The following TTLL5 variants were observed in gnomAD, a reference collection of about 807,000 sequenced individuals.
TTLL5 encodes the protein tubulin polyglutamylase TTLL5.
In TTLL5, 132 loss-of-function variants were observed where a neutral mutation model predicts 168.4. That is an observed-to-expected ratio of 0.78 (90% CI 0.68 to 0.91). The LOEUF (loss-of-function observed/expected upper bound fraction) is 0.91. Among genes scored for constraint, TTLL5 ranks in the 40% least tolerant of loss-of-function variants. The probability of loss-of-function intolerance (pLI) is 0.00; values close to 1 mark genes in which losing one functional copy is unlikely to be tolerated. For missense variants in TTLL5, 1,545 were observed against 1,581.5 expected (o/e 0.98, Z 0.39); for synonymous variants, 546 against 558.6 (o/e 0.98, Z 0.32).
intron 31 of TTLL5, chr14:75,904,191 CCTCA>C: frequency 8.3e-7 from 1 of 1,204,052 alleles, no homozygotes. Context: ...TATCTATTCA[CCTCA>C]CTCCTCCAAA....
rs1888128454 is a variant in TTLL5, at chr14:75,725,384, A to G, written c.1042+4681A>G. 2.0e-5 allele frequency among the ~76,000 whole-genome samples: 3 copies of G among 152,228 alleles called. No homozygotes were observed. The South Asian group carries it at 6.2e-4, about 32-fold the overall frequency. Reference sequence around the variant, plus strand: ...ATGCTCCTGTTTAGATGGGAAAGGAAGTTTACTACAGAAGAAACTTATGTA... The same window carrying G: ...ATGCTCCTGTTTAGATGGGAAAGGAGGTTTACTACAGAAGAAACTTATGTA... On this transcript the variant is annotated intron_variant, in intron 12 of 31. Transcript: ENST00000298832.
intron 28 of TTLL5, among the ~76,000 whole-genome samples, chr14:75,840,726 C>T (rs1896180917): frequency 1.3e-5 from 2 of 152,178 alleles, no homozygotes; most frequent in Non-Finnish European, 2.9e-5. Flanking sequence ...CTTTTCTCTT[C>T]CCACTGCTAC....
intron 31 of TTLL5, among the ~76,000 whole-genome samples, chr14:75,906,966 A>G (rs2033172651): frequency 6.6e-6 from 1 of 152,258 alleles, no homozygotes; most frequent in South Asian, 2.1e-4. Context: ...AGACAATTCA[A>G]ATAAAGAAAC....
rs1435087964 is a variant in TTLL5 at position 75,886,710 on chromosome 14, A to C, written c.3740+3808A>C. The C allele has an allele frequency of 1.9e-6, 3 of 1,597,950 alleles. No individual in the cohort carries two copies. The African/African-American group carries it at 4.0e-5, about 21-fold the overall frequency. ...CACTTCATAATTTAGTACCCGCTTC[A>C]GATCCTCCTTTCAAAACTATTTGTG... On this transcript the variant is annotated intron_variant, in intron 30 of 31. Coordinates refer to ENST00000298832, the MANE Select transcript of TTLL5 (RefSeq NM_015072.5).
At chr14:75,823,630 G>T (rs73315477) in intron 28 of TTLL5, among the ~76,000 whole-genome samples, 2,259 of 152,210 alleles carry the variant, frequency 0.015, 54 homozygotes, top group African/African-American at 0.052. Flanking sequence ...ATCCACCTCT[G>T]GCTTTTTCAC....
chr14:75,914,553 A>G (rs1595259265), intron 31 of TTLL5, among the ~76,000 whole-genome samples: 1 of 151,596 alleles, frequency 6.6e-6, no homozygotes, highest in South Asian at 2.1e-4. Context: ...TGGTATTTCT[A>G]TCCCATTTCT....
At position 75,683,662 on chromosome 14, in the gene TTLL5, G is replaced by A; in HGVS notation, c.371+6G>A. The A allele has an allele frequency of 6.2e-7, 1 of 1,605,794 alleles. No homozygotes were observed. Among genetic ancestry groups the A allele is most frequent in the Non-Finnish European group, 8.5e-7 (1 of 1,172,570 alleles). On this transcript the variant is annotated splice_donor_region_variant and intron_variant, in intron 5 of 31. Coordinates refer to ENST00000298832, the MANE Select transcript of TTLL5 (RefSeq NM_015072.5). ...AAAGTTAATCACTTTCCCAGGTAATGCTCTTTGTAGCTGCTTTGCTTCATT... is the reference window on the plus strand; with the variant it reads ...AAAGTTAATCACTTTCCCAGGTAATACTCTTTGTAGCTGCTTTGCTTCATT...
intron 31 of TTLL5, among the ~76,000 whole-genome samples, chr14:75,907,375 C>T (rs2033186824): frequency 6.6e-6 from 1 of 152,160 alleles, no homozygotes; most frequent in African/African-American, 2.4e-5. Context: ...CAAAATTTTC[C>T]AGAAAATTCT....
chr14:75,852,653 T>G (rs965904744), intron 28 of TTLL5, among the ~76,000 whole-genome samples: 6 of 152,188 alleles, frequency 3.9e-5, no homozygotes, highest in Non-Finnish European at 8.8e-5. Context: ...AGGTGTAAAC[T>G]CAAAGGTTAA....
At position 75,765,240 on chromosome 14, in the gene TTLL5, C is replaced by G. The variant is rs1332844451; in HGVS notation, c.1708+468C>G. Among the ~76,000 whole-genome samples the G allele has an allele frequency of 2.0e-5, 3 of 152,042 alleles. No individual in the cohort carries two copies. In the East Asian group the frequency reaches 5.8e-4, roughly 29 times the overall value. On this transcript the variant is annotated intron_variant, in intron 19 of 31. Coordinates refer to ENST00000298832, the MANE Select transcript of TTLL5 (RefSeq NM_015072.5). Reference sequence around the variant, plus strand: ...ATATACTGATTTCCTTTTTTTCTCTCCTTCCCTCCTGTGAACGTCTGTGTC... The same window carrying G: ...ATATACTGATTTCCTTTTTTTCTCTGCTTCCCTCCTGTGAACGTCTGTGTC...
intron 27 of TTLL5, among the ~76,000 whole-genome samples, chr14:75,802,039 G>A (rs567957729): frequency 3.4e-4 from 51 of 151,958 alleles, no homozygotes; most frequent in African/African-American, 1.1e-3. Flanking sequence ...TCATATTCTC[G>A]ATTCTTATTT....
chr14:75,681,548 G>T lies in TTLL5; in HGVS notation c.185G>T (p.Arg62Leu). 1.2e-6 allele frequency: 2 copies of T among 1,612,450 alleles called. No individual in the cohort carries two copies. The highest frequency in any genetic ancestry group is 1.3e-5 in the African/African-American group (1 of 75,018). Residue 62 changes from arginine to leucine, a missense_variant, in exon 4 of 32, where the codon CGT becomes CTT. By Grantham distance (102) the Arg-to-Leu change is moderately radical. Coordinates refer to ENST00000298832, the MANE Select transcript of TTLL5 (RefSeq NM_015072.5). Reference sequence around the variant, plus strand: ...ACTTGATTCTGTTTTTCTTTAGAACGTTATCATTTGTCTTATAAGATTGTA... The same window carrying T: ...ACTTGATTCTGTTTTTCTTTAGAACTTTATCATTTGTCTTATAAGATTGTA... ...KDNNIRVIGERYHLSYKIVRT... is the reference protein window; with the variant it reads ...KDNNIRVIGELYHLSYKIVRT...
At chr14:75,791,731 T>C (rs933136747) in intron 26 of TTLL5, among the ~76,000 whole-genome samples, 5 of 152,140 alleles carry the variant, frequency 3.3e-5, no homozygotes, top group Non-Finnish European at 1.5e-5. Context: ...CTAAATAATA[T>C]AGTAAACGTG....
rs141526948 is a variant in TTLL5, at chr14:75,863,975, G to A, written c.3522+113G>A. On this transcript the variant is annotated intron_variant, in intron 29 of 31. Coordinates refer to ENST00000298832, the MANE Select transcript of TTLL5 (RefSeq NM_015072.5). ...AATGTAGGATTAGTTTTCCAACCCC[G>A]TGCCATCCTGGCTTGGACAGCTCAT... is the stretch of plus-strand genomic sequence containing the variant. The A allele has an allele frequency of 7.5e-5, 86 of 1,143,660 alleles. No individual in the cohort carries two copies. The East Asian group carries it at 7.9e-4, about 10-fold the overall frequency. The allele number at this position is 1,143,660 out of a possible 1,614,324, so 70.8% of individuals were successfully genotyped here.
chr14:75,917,757 G>A (rs1047440263), intron 31 of TTLL5, among the ~76,000 whole-genome samples: 1 of 152,186 alleles, frequency 6.6e-6, no homozygotes, highest in African/African-American at 2.4e-5. Flanking sequence ...AGGAAACATG[G>A]ATGTAGATGA....
At chr14:75,662,816 A>C (rs771974774) in intron 1 of TTLL5, among the ~76,000 whole-genome samples, 4 of 152,326 alleles carry the variant, frequency 2.6e-5, no homozygotes, top group Non-Finnish European at 5.9e-5. Flanking sequence ...CAAACTTAGT[A>C]ACAGCTCTTC....
At chr14:75,926,094 G>C (rs983201088) in intron 31 of TTLL5, among the ~76,000 whole-genome samples, 1 of 148,164 alleles carries the variant, frequency 6.7e-6, no homozygotes, top group Non-Finnish European at 1.5e-5. Flanking sequence ...TGGGGAGAGG[G>C]AGAGGGAGAG....
intron 27 of TTLL5, among the ~76,000 whole-genome samples, chr14:75,806,772 G>T (rs1224561181): frequency 6.6e-6 from 1 of 152,172 alleles, no homozygotes; most frequent in African/African-American, 2.4e-5. Context: ...AAAATGTGCT[G>T]ATTCGACTGG....
intron 22 of TTLL5, 93 bp downstream of exon 22, chr14:75,775,723 C>T (rs1891683097): frequency 6.8e-7 from 1 of 1,463,784 alleles, no homozygotes. Flanking sequence ...GATGGAGACA[C>T]TCTTCTTCTG....
Sources: allele counts gnomAD v4.1 joint callset (sites outside exome capture counted in the v4.1 genomes callset), GRCh38; gene constraint gnomAD v4.1.1; transcripts MANE v1.5; gene names NCBI Gene and HGNC (gene_info 2026-07-23, HGNC 2026-07-21).